The following MYO5A variants were observed in gnomAD, a reference collection of about 807,000 sequenced individuals.
MYO5A encodes the protein myosin VA, also known as unconventional myosin-Va.
MYO5A carries 98 observed loss-of-function variants against 249.7 expected under a neutral mutation model. That is an observed-to-expected ratio of 0.39 (90% CI 0.33 to 0.46). The LOEUF (loss-of-function observed/expected upper bound fraction) is 0.46, where lower values mean the gene tolerates loss of function less well. Ranked by LOEUF, MYO5A falls within the 20% of genes least tolerant of loss-of-function variation. MYO5A has a pLI of 0.98. For synonymous variants in MYO5A, 778 were observed against 810.6 expected (o/e 0.96, Z 0.68); for missense variants, 1,696 against 2,308.8 (o/e 0.73, Z 5.44).
intron 9 of MYO5A, among the ~76,000 whole-genome samples, chr15:52,399,534 GCA>G (rs1198386392): frequency 2.0e-5 from 3 of 152,058 alleles, no homozygotes; most frequent in South Asian, 4.2e-4. Flanking sequence ...TTCAATACGT[GCA>G]CAGTGTTGCC....
intron 3 of MYO5A, among the ~76,000 whole-genome samples, chr15:52,427,991 T>G (rs2075434925): frequency 6.6e-6 from 1 of 151,744 alleles, no homozygotes; most frequent in Non-Finnish European, 1.5e-5. Context: ...TCACCACGAG[T>G]CAAGTTAGTT....
intron 1 of MYO5A, chr15:52,438,030 A>G (rs2075703746): frequency 1.0e-6 from 1 of 984,932 alleles, no homozygotes; most frequent in Non-Finnish European, 1.2e-6. Context: ...TATTATTACC[A>G]TTGCCTTTCT....
At chr15:52,495,394 G>A (rs560891712) in intron 1 of MYO5A, among the ~76,000 whole-genome samples, 3 of 152,312 alleles carry the variant, frequency 2.0e-5, no homozygotes, top group South Asian at 2.1e-4. Flanking sequence ...ACCAGAGGCT[G>A]AGGGCCAGGA....
At chr15:52,425,762 T>C in intron 4 of MYO5A, 68 bp downstream of exon 4, 2 of 1,557,442 alleles carry the variant, frequency 1.3e-6, no homozygotes, top group Non-Finnish European at 8.8e-7. Context: ...AAAATATATG[T>C]GACTTAGCAA....
At chr15:52,477,353 T>C (rs11854642) in intron 1 of MYO5A, among the ~76,000 whole-genome samples, 22,863 of 152,164 alleles carry the variant, frequency 0.15, 1,830 homozygotes, top group Middle Eastern at 0.22. Context: ...TCCTTTAGCT[T>C]GGAGAAGTTT....
chr15:52,388,725 G>T (rs540876953), intron 13 of MYO5A, among the ~76,000 whole-genome samples: 1 of 152,330 alleles, frequency 6.6e-6, no homozygotes, highest in African/African-American at 2.4e-5. Flanking sequence ...ATCAATTGCA[G>T]AGGGTGACAC....
intron 5 of MYO5A, 173 bp downstream of exon 5, chr15:52,415,972 C>T (rs1259752830): frequency 1.1e-5 from 9 of 783,390 alleles, no homozygotes; most frequent in Non-Finnish European, 1.8e-5. Flanking sequence ...AAAATGTCTA[C>T]CTTACCAAGT....
intron 1 of MYO5A, among the ~76,000 whole-genome samples, chr15:52,446,462 G>A (rs2075893025): frequency 6.6e-6 from 1 of 152,258 alleles, no homozygotes; most frequent in South Asian, 2.1e-4. Flanking sequence ...CGAGGCAAAA[G>A]CCTCCTGCAG....
At chr15:52,463,876 C>A (rs1022967913) in intron 1 of MYO5A, among the ~76,000 whole-genome samples, 1 of 152,190 alleles carries the variant, frequency 6.6e-6, no homozygotes, top group African/African-American at 2.4e-5. Context: ...AACAGTGCCT[C>A]ACATCCTCTT....
At chr15:52,439,553 T>C (rs1283844841) in intron 1 of MYO5A, among the ~76,000 whole-genome samples, 1 of 152,198 alleles carries the variant, frequency 6.6e-6, no homozygotes, top group African/African-American at 2.4e-5. Context: ...CACATATATG[T>C]TGATTTTATT....
At chr15:52,329,905 A>ATTTTTTTTT (rs58058940) in intron 35 of MYO5A, among the ~76,000 whole-genome samples, 86 of 119,686 alleles carry the variant, frequency 7.2e-4, no homozygotes, top group Admixed American at 9.1e-4. Flanking sequence ...CGCCTGGGTA[A>ATTTTTTTTT]TTTTTTTTTT....
intron 1 of MYO5A, among the ~76,000 whole-genome samples, chr15:52,434,832 G>A (rs1567123165): frequency 6.6e-6 from 1 of 152,102 alleles, no homozygotes; most frequent in Non-Finnish European, 1.5e-5. Context: ...GCCAGCAAGG[G>A]AAAGACATGA....
chr15:52,381,147 C>T (rs1596377171), intron 16 of MYO5A, among the ~76,000 whole-genome samples: 2 of 151,122 alleles, frequency 1.3e-5, no homozygotes, highest in East Asian at 3.9e-4. Flanking sequence ...AAGTTCTGAG[C>T]GATCCATCCG....
chr15:52,326,517 G>C (rs1013101570), intron 36 of MYO5A, among the ~76,000 whole-genome samples: 1 of 152,142 alleles, frequency 6.6e-6, no homozygotes, highest in Non-Finnish European at 1.5e-5. Flanking sequence ...CAGAGAACCA[G>C]CATTTATCAA....
At position 52,310,690 on chromosome 15, in the gene MYO5A, A is replaced by C. The variant is rs1199893143; in HGVS notation, c.*3006T>G. On this transcript the variant is annotated 3_prime_UTR_variant, in exon 42 of 42. Coordinates refer to ENST00000399233, the MANE Select transcript of MYO5A (RefSeq NM_001382347.1). ...GGCAACGGGATAGACGATTAAGTTG[A>C]GGGAAGGGGAAGAGTGAATGAGTAG... is the stretch of plus-strand genomic sequence containing the variant. The C allele has an allele frequency of 2.0e-5, 3 of 152,402 alleles. No individual in the cohort carries two copies. In the East Asian group the frequency reaches 5.8e-4, roughly 29 times the overall value. The allele number at this position is 152,402 out of a possible 1,614,324, so 9.4% of individuals were successfully genotyped here. A position where few individuals can be genotyped will look rare whatever the true frequency, so the allele number is the denominator to read the frequency against.
intron 2 of MYO5A, 133 bp downstream of exon 2, chr15:52,433,042 A>T: frequency 1.4e-6 from 1 of 708,924 alleles, no homozygotes; most frequent in Non-Finnish European, 2.6e-6. Context: ...TGCCATTTTT[A>T]CCAATTTAGT....
At chr15:52,402,681 C>T (rs948701385) in intron 9 of MYO5A, among the ~76,000 whole-genome samples, 1 of 152,078 alleles carries the variant, frequency 6.6e-6, no homozygotes, top group Middle Eastern at 3.4e-3. Context: ...CCTGTCTCTA[C>T]TAAAAATACA....
intron 29 of MYO5A, 25 bp from the exon 30 acceptor site, chr15:52,346,486 G>A (rs745863890): frequency 2.1e-5 from 30 of 1,398,330 alleles, no homozygotes; most frequent in South Asian, 3.5e-5. Flanking sequence ...ACACATTTAC[G>A]CATTAAGATT....
intron 1 of MYO5A, among the ~76,000 whole-genome samples, chr15:52,444,963 T>C (rs1053218951): frequency 1.3e-5 from 2 of 152,180 alleles, no homozygotes; most frequent in Non-Finnish European, 2.9e-5. Context: ...ACCTGGGAAA[T>C]AATAGACAGG....
Sources: allele counts gnomAD v4.1 joint callset (sites outside exome capture counted in the v4.1 genomes callset), GRCh38; gene constraint gnomAD v4.1.1; transcripts MANE v1.5; gene names NCBI Gene and HGNC (gene_info 2026-07-23, HGNC 2026-07-21).